CACNA1D: variants seen among roughly 807,000 people sequenced by gnomAD.
CACNA1D encodes the protein calcium voltage-gated channel subunit alpha1 D.
A neutral mutation model predicts 257.1 loss-of-function variants in CACNA1D; 55 were observed. The ratio of observed to expected loss-of-function variants is 0.21; its 90% CI spans 0.17 to 0.27. CACNA1D has a LOEUF of 0.27. Ranked by LOEUF, CACNA1D falls within the 10% of genes least tolerant of loss-of-function variation. The pLI, the probability that CACNA1D is intolerant of heterozygous loss-of-function variation, is 1.00. For synonymous variants in CACNA1D, 980 were observed against 1,014.9 expected, an observed-to-expected ratio of 0.97 and a Z score of 0.65; for missense variants, 1,876 against 2,784.0, an observed-to-expected ratio of 0.67 and a Z score of 7.34.
intron 3 of CACNA1D, among the ~76,000 whole-genome samples, chr3:53,602,326 A>G (rs2093454264): frequency 6.6e-6 from 1 of 152,216 alleles, no homozygotes; most frequent in South Asian, 2.1e-4. Flanking sequence ...CATTGTGTAT[A>G]TATGCCACAC....
chr3:53,508,252 C>T (rs1280589917), intron 3 of CACNA1D, among the ~76,000 whole-genome samples: 5 of 152,196 alleles, frequency 3.3e-5, no homozygotes, highest in Non-Finnish European at 5.9e-5. Flanking sequence ...ATCAACCCAT[C>T]ACCTAGGTAT....
At chr3:53,602,087 T>C (rs1003788232) in intron 3 of CACNA1D, among the ~76,000 whole-genome samples, 25 of 152,302 alleles carry the variant, frequency 1.6e-4, no homozygotes, top group Non-Finnish European at 3.1e-4. Context: ...TTTGTACCCA[T>C]TAAGAAGCCT....
chr3:53,776,459 C>T, intron 35 of CACNA1D, 144 bp from the exon 36 acceptor site: 1 of 971,456 alleles, frequency 1.0e-6, no homozygotes, highest in East Asian at 2.6e-5. Context: ...TTTTCTTAAA[C>T]ATTCTCCAAA....
At chr3:53,710,322 G>A (rs765447714) in intron 9 of CACNA1D, 32 of 441,146 alleles carry the variant, frequency 7.3e-5, no homozygotes, top group Admixed American at 3.4e-4. Flanking sequence ...GGCTGGCCGC[G>A]TGGGGCCCTG....
chr3:53,735,496 G>A lies in CACNA1D; in HGVS notation c.2744G>A (p.Arg915Gln). Reference sequence around the variant, plus strand: ...GACCCCATCCGCAGCCACTCCTTCCGGAACACGGTAAGTCCCCAGGGTGGG... The same window carrying A: ...GACCCCATCCGCAGCCACTCCTTCCAGAACACGGTAAGTCCCCAGGGTGGG... The part of the protein sequence containing the change: ...AEDPIRSHSF[R>Q]NTILGYFDYA... Residue 915 changes from arginine (R) to glutamine (Q), a missense_variant, in exon 20 of 48, where the codon CGG becomes CAG. Physicochemically the swap from Arg to Gln is conservative, Grantham distance 43 (BLOSUM62 1). Transcript: ENST00000350061. 10 of 1,614,084 alleles carry A rather than the reference G, an allele frequency of 6.2e-6. No individual in the cohort carries two copies. The highest frequency in any genetic ancestry group is 1.1e-5 in the South Asian group (1 of 91,080).
At chr3:53,578,804 T>A (rs570934003) in intron 3 of CACNA1D, among the ~76,000 whole-genome samples, 1 of 152,240 alleles carries the variant, frequency 6.6e-6, no homozygotes, top group Non-Finnish European at 1.5e-5. Flanking sequence ...TTGAAATTCT[T>A]AATACTTTTG....
intron 3 of CACNA1D, among the ~76,000 whole-genome samples, chr3:53,532,662 G>T (rs567636207): frequency 1.3e-5 from 2 of 152,310 alleles, no homozygotes; most frequent in South Asian, 4.2e-4. Context: ...GTTGGCTTTT[G>T]CATGTATATT....
intron 3 of CACNA1D, among the ~76,000 whole-genome samples, chr3:53,637,319 A>C (rs1261371253): frequency 5.9e-5 from 9 of 152,204 alleles, no homozygotes. Flanking sequence ...AATAATCTGG[A>C]ATAATAAGAT....
chr3:53,749,682 T>TA (rs2095207858), intron 27 of CACNA1D, among the ~76,000 whole-genome samples: 3 of 152,194 alleles, frequency 2.0e-5, no homozygotes, highest in Non-Finnish European at 4.4e-5. Flanking sequence ...AATTATGAAA[T>TA]CCATCGCCAG....
chr3:53,649,109 G>A (rs1445787654), intron 3 of CACNA1D, among the ~76,000 whole-genome samples: 1 of 152,178 alleles, frequency 6.6e-6, no homozygotes, highest in Non-Finnish European at 1.5e-5. Flanking sequence ...GTGACAGAGG[G>A]GAAGCGATTC....
At chr3:53,754,564 C>T (rs565266024) in intron 29 of CACNA1D, among the ~76,000 whole-genome samples, 5 of 152,234 alleles carry the variant, frequency 3.3e-5, no homozygotes, top group African/African-American at 1.2e-4. Flanking sequence ...CGCCACGCTG[C>T]GGACTGTCGG....
At chr3:53,630,936 A>G (rs1350073100) in intron 3 of CACNA1D, among the ~76,000 whole-genome samples, 1 of 152,234 alleles carries the variant, frequency 6.6e-6, no homozygotes, top group African/African-American at 2.4e-5. Flanking sequence ...TTATGTCTAA[A>G]AAATGCACAT....
intron 3 of CACNA1D, among the ~76,000 whole-genome samples, chr3:53,564,681 A>G (rs1033972188): frequency 3.3e-5 from 5 of 152,170 alleles, no homozygotes; most frequent in African/African-American, 1.2e-4. Flanking sequence ...TATATCCTAG[A>G]CACCTTTCTA....
At chr3:53,648,625 A>G (rs1339235771) in intron 3 of CACNA1D, among the ~76,000 whole-genome samples, 1 of 152,052 alleles carries the variant, frequency 6.6e-6, no homozygotes, top group Non-Finnish European at 1.5e-5. Flanking sequence ...ACAGTAAGCA[A>G]GGAAGGGCAT....
rs376539480 is a variant in CACNA1D, at chr3:53,718,293, C to A, written c.1391-8C>A. The A allele has an allele frequency of 1.2e-5, 20 of 1,613,016 alleles. No individual in the cohort carries two copies. Among genetic ancestry groups the A allele is most frequent in the East Asian group, 2.2e-5 (1 of 44,886 alleles). On this transcript the variant is annotated splice_polypyrimidine_tract_variant and splice_region_variant and intron_variant, in intron 9 of 47. Transcript: ENST00000350061. ...GCATGCTCTCTGAAGCCCGTCTTCT[C>A]CCCACAGCTAGCATGCCCACCAGCG... is the stretch of plus-strand genomic sequence containing the variant.
At chr3:53,609,765 T>C (rs2107946408) in intron 3 of CACNA1D, among the ~76,000 whole-genome samples, 1 of 152,348 alleles carries the variant, frequency 6.6e-6, no homozygotes, top group Non-Finnish European at 1.5e-5. Flanking sequence ...CAGTTTCATT[T>C]ACTTTTGCGC....
intron 25 of CACNA1D, 81 bp from the exon 26 acceptor site, chr3:53,747,221 T>C (rs1043067161): frequency 9.0e-6 from 11 of 1,219,834 alleles, no homozygotes; most frequent in East Asian, 4.6e-5. Flanking sequence ...GGAGGTTGGA[T>C]TGGGGCAGTG....
chr3:53,624,803 T>C (rs1449928823), intron 3 of CACNA1D, among the ~76,000 whole-genome samples: 2 of 152,218 alleles, frequency 1.3e-5, no homozygotes, highest in Non-Finnish European at 2.9e-5. Context: ...GGGAGTGGAC[T>C]TGTCCAGGTG....
intron 3 of CACNA1D, among the ~76,000 whole-genome samples, chr3:53,564,627 G>GT (rs1300770904): frequency 6.6e-6 from 1 of 152,052 alleles, no homozygotes; most frequent in Non-Finnish European, 1.5e-5. Flanking sequence ...TCCATTAGGA[G>GT]TTTTTTTCTT....
Sources: gnomAD v4.1 joint callset for allele counts (sites outside exome capture counted in the v4.1 genomes callset) on GRCh38, gnomAD v4.1.1 for gene constraint, MANE v1.5 for transcripts, NCBI Gene and HGNC (gene_info 2026-07-23, HGNC 2026-07-21) for gene names.